Variants in ETV1 observed in about 807,000 individuals in gnomAD.
ETV1 encodes ETS translocation variant 1.
In ETV1, 27 loss-of-function variants were observed where a neutral mutation model predicts 62.3. The observed-to-expected ratio is 0.43, with a 90% CI of 0.32 to 0.60. ETV1 has a LOEUF of 0.60. Ranked by LOEUF, ETV1 falls within the 20% of genes least tolerant of loss-of-function variation. ETV1 has a pLI of 0.06. For synonymous variants in ETV1, 222 were observed against 199.6 expected (o/e 1.11, Z -0.94); for missense variants, 605 against 605.8 (o/e 1.00, Z 0.01).
At chr7:13,948,958 A>C (rs1788482094) in intron 6 of ETV1, among the ~76,000 whole-genome samples, 1 of 152,290 alleles carries the variant, frequency 6.6e-6, no homozygotes, top group East Asian at 1.9e-4. Flanking sequence ...TAGCTGATTA[A>C]AAAAATGACA....
intron 5 of ETV1, among the ~76,000 whole-genome samples, chr7:13,983,937 G>C (rs1047333938): frequency 2.6e-5 from 4 of 151,360 alleles, no homozygotes; most frequent in African/African-American, 9.7e-5. Context: ...AGAAATAAAA[G>C]AAATTTTATA....
At chr7:13,984,197 A>G (rs1782295349) in intron 5 of ETV1, among the ~76,000 whole-genome samples, 1 of 152,116 alleles carries the variant, frequency 6.6e-6, no homozygotes, top group East Asian at 1.9e-4. Flanking sequence ...AACTTGATTA[A>G]CTGCCAATGA....
At chr7:13,987,667 G>A (rs1353890851) in intron 4 of ETV1, among the ~76,000 whole-genome samples, 1 of 152,108 alleles carries the variant, frequency 6.6e-6, no homozygotes, top group East Asian at 1.9e-4. Context: ...AAGGAGGTGG[G>A]AAACCAAACA....
At chr7:13,933,985 T>C (rs1355826605) in intron 8 of ETV1, among the ~76,000 whole-genome samples, 1 of 152,156 alleles carries the variant, frequency 6.6e-6, no homozygotes, top group Non-Finnish European at 1.5e-5. Context: ...AATTATACAA[T>C]CTATAATTCT....
intron 9 of ETV1, among the ~76,000 whole-genome samples, chr7:13,917,825 G>A (rs896006615): frequency 1.3e-5 from 2 of 151,830 alleles, no homozygotes; most frequent in African/African-American, 4.8e-5. Flanking sequence ...TTAGCCGGGC[G>A]TGGTGGCGGG....
chr7:13,962,010 AAGTT>A (rs1790223213), intron 6 of ETV1, among the ~76,000 whole-genome samples: 1 of 152,064 alleles, frequency 6.6e-6, no homozygotes, highest in Non-Finnish European at 1.5e-5. Context: ...AAAACACAAA[AAGTT>A]AAGTTGATCA....
In ETV1 at chr7:13,988,114, A is replaced by C; in HGVS notation, c.105T>G (p.Ile35Met). The C allele has an allele frequency of 6.2e-7, 1 of 1,612,746 alleles. No homozygotes were observed. The highest frequency in any genetic ancestry group is 1.1e-5 in the South Asian group (1 of 91,056). The change falls in exon 4 of 14, where the codon ATT (isoleucine) becomes ATG (methionine). Residue 35 changes from isoleucine (I) to methionine (M), a missense_variant. Physicochemically the swap from Ile to Met is conservative, Grantham distance 10 (BLOSUM62 1). Coordinates refer to ENST00000430479, the MANE Select transcript of ETV1 (RefSeq NM_004956.5). ...CTGAATCATGAGCCAGATCTCTGTT[A>C]ATGAATTTTCTTTTCCTGACATTTG... Reference protein sequence around the residue: ...KPTNVRKRKFINRDLAHDSEE... With the variant: ...KPTNVRKRKFMNRDLAHDSEE...
chr7:13,904,723 A>T (rs1782779636), intron 12 of ETV1, among the ~76,000 whole-genome samples: 1 of 152,058 alleles, frequency 6.6e-6, no homozygotes, highest in African/African-American at 2.4e-5. Flanking sequence ...AGCATGAACC[A>T]ACTCTTGCAG....
At chr7:13,947,585 C>T (rs1029854111) in intron 6 of ETV1, among the ~76,000 whole-genome samples, 1 of 152,164 alleles carries the variant, frequency 6.6e-6, no homozygotes, top group African/African-American at 2.4e-5. Flanking sequence ...AGTCATAACA[C>T]ATTAAGAATT....
chr7:13,945,842 T>G (rs551236749), intron 6 of ETV1, among the ~76,000 whole-genome samples: 2 of 152,322 alleles, frequency 1.3e-5, no homozygotes, highest in South Asian at 4.1e-4. Context: ...CCTTCCCACA[T>G]GGAGTTGGTG....
upstream of ETV1, chr7:13,990,272 C>T (rs1782933240): frequency 6.6e-6 from 1 of 152,212 alleles, no homozygotes; most frequent in Admixed American, 6.5e-5. Context: ...AAATTAGATC[C>T]TATCGTTCGT....
rs113135133 is a variant in ETV1, at chr7:13,923,804, G to T, written c.802+7698C>A. Among the ~76,000 whole-genome samples, 133 of 152,158 alleles carry T rather than the reference G, an allele frequency of 8.7e-4. 1 individual carries two copies. In the East Asian group the frequency reaches 0.021, roughly 24 times the overall value. On this transcript the variant is annotated intron_variant, in intron 9 of 13. Transcript: ENST00000430479. ...TCCCAGCATTCTGGGAGGCTGAGGC[G>T]GGCGGATCACCTAAGGTCGGAAGTT... is the stretch of plus-strand genomic sequence containing the variant.
intron 6 of ETV1, among the ~76,000 whole-genome samples, chr7:13,962,929 G>A (rs552427777): frequency 3.3e-5 from 5 of 152,092 alleles, no homozygotes; most frequent in East Asian, 1.9e-4. Flanking sequence ...CTTATTTTAC[G>A]TCTTTAATTC....
Position 13,989,340 on chromosome 7 carries a change from C to T in ETV1, c.-160G>A, listed in dbSNP as rs17739403. On this transcript the variant is annotated 5_prime_UTR_variant, in exon 2 of 14. Coordinates refer to ENST00000430479, the MANE Select transcript of ETV1 (RefSeq NM_004956.5). The stretch of plus-strand genomic sequence containing the variant: ...TAGTAGCAAAAATCCGAACAAGAGG[C>T]GATGTATTTATTTACACTCTCGATG... 13,303 of 503,854 alleles carry T rather than the reference C, an allele frequency of 0.026. 252 individuals carry two copies. Among genetic ancestry groups the T allele is most frequent in the Non-Finnish European group, 0.03 (8,626 of 287,580 alleles). The allele number at this position is 503,854 out of a possible 1,614,324, so 31.2% of individuals were successfully genotyped here. A position where few individuals can be genotyped will look rare whatever the true frequency, so the allele number is the denominator to read the frequency against.
intron 9 of ETV1, among the ~76,000 whole-genome samples, chr7:13,924,970 G>A (rs1785242778): frequency 6.6e-6 from 1 of 152,182 alleles, no homozygotes. Flanking sequence ...AAGGCCTCAT[G>A]AGTAGCAGCA....
chr7:13,918,874 TAAA>T (rs370489670), intron 9 of ETV1, among the ~76,000 whole-genome samples: 1 of 141,680 alleles, frequency 7.1e-6, no homozygotes, highest in Non-Finnish European at 1.5e-5. Context: ...TAAAGTATAA[TAAA>T]AAAAAAAAAA....
At chr7:13,949,052 T>C (rs1265822797) in intron 6 of ETV1, among the ~76,000 whole-genome samples, 2 of 152,082 alleles carry the variant, frequency 1.3e-5, no homozygotes, top group Admixed American at 1.3e-4. Context: ...ATGTATAACA[T>C]GGAGAATTTT....
chr7:13,896,494 T>G (rs11772310), intron 13 of ETV1, among the ~76,000 whole-genome samples: 45,959 of 151,948 alleles, frequency 0.3, 8,018 homozygotes, highest in Non-Finnish European at 0.38. Flanking sequence ...TAAGGTACAC[T>G]GTCCCTCTTA....
chr7:13,950,644 C>G (rs1788688536), intron 6 of ETV1, among the ~76,000 whole-genome samples: 1 of 152,064 alleles, frequency 6.6e-6, no homozygotes, highest in Admixed American at 6.5e-5. Context: ...ACCATAACAT[C>G]TTAATAGAAG....
Sources: allele counts gnomAD v4.1 joint callset (sites outside exome capture counted in the v4.1 genomes callset), GRCh38; gene constraint gnomAD v4.1.1; transcripts MANE v1.5; gene names NCBI Gene and HGNC (gene_info 2026-07-23, HGNC 2026-07-21).